RIPOR3: variants seen among roughly 807,000 people sequenced by gnomAD.
The protein encoded by RIPOR3 is RIPOR family member 3.
A neutral mutation model predicts 114.3 loss-of-function variants in RIPOR3; 95 were observed. That is an observed-to-expected ratio of 0.83 (90% CI 0.70 to 0.99). The LOEUF (loss-of-function observed/expected upper bound fraction) is 0.99. Ranked by LOEUF, RIPOR3 falls within the 50% of genes least tolerant of loss-of-function variation. The pLI, the probability that RIPOR3 is intolerant of heterozygous loss-of-function variation, is 0.00. For missense variants in RIPOR3, 1,252 were observed against 1,266.9 expected (o/e 0.99, Z 0.18); for synonymous variants, 575 against 543.8 (o/e 1.06, Z -0.80).
chr20:50,621,658 C>A (rs1265600544), intron 2 of RIPOR3, among the ~76,000 whole-genome samples: 3 of 152,124 alleles, frequency 2.0e-5, no homozygotes, highest in African/African-American at 7.2e-5. Context: ...CTCCTTTTGC[C>A]ACCATGTAGG....
rs139026824 is a variant in RIPOR3 at position 50,605,929 on chromosome 20, C to T, written c.957-1155G>A. 7.6e-3 allele frequency among the ~76,000 whole-genome samples: 1,151 copies of T among 152,242 alleles called. 15 individuals carry two copies. The highest frequency in any genetic ancestry group is 0.027 in the African/African-American group (1,102 of 41,546). On this transcript the variant is annotated intron_variant, in intron 11 of 21. Transcript: ENST00000327979. ...TTTAGAAACCTTTCTCAAGGCTGGG[C>T]GTGGTGGCTCATGCCTGTAATCCCA...
chr20:50,690,997 C>T, intron 1 of RIPOR3, 129 bp downstream of exon 1: 2 of 1,195,012 alleles, frequency 1.7e-6, no homozygotes, highest in Non-Finnish European at 2.2e-6. Flanking sequence ...CAGGTTCCCT[C>T]CTCCGGCCTT....
Position 50,587,320 on chromosome 20 carries a change from C to A in RIPOR3, c.2765G>T (p.Arg922Leu), listed in dbSNP as rs763792702. The A allele has an allele frequency of 9.3e-6, 15 of 1,614,018 alleles. No homozygotes were observed. Among genetic ancestry groups the A allele is most frequent in the Non-Finnish European group, 1.3e-5 (15 of 1,180,002 alleles). ...ETTLSFGEKG[R>L]LAFEKMDKLC... ...CTTGTCCATCTTCTCAAAAGCTAAC[C>A]GTCCTTTTTCACCTGAAATAGCAAA... The change falls in exon 22 of 22, where the codon CGG becomes CTG. Residue 922 changes from arginine to leucine, a missense_variant. Physicochemically the swap from Arg to Leu is moderately radical, Grantham distance 102. Coordinates refer to ENST00000327979, the MANE Select transcript of RIPOR3 (RefSeq NM_001290268.2).
rs200645158 is a variant in RIPOR3 at position 50,587,835 on chromosome 20, G to A, written c.2719C>T (p.Arg907Trp). The change falls in exon 21 of 22, where the codon CGG becomes TGG. Residue 907 changes from arginine to tryptophan, a missense_variant. Physicochemically the swap from Arg to Trp is moderately radical, Grantham distance 101 (BLOSUM62 -3). Transcript: ENST00000327979. ...SLCQSDLEAV[R>W]AAARETTLSF... ...AGTGTGGTTTCCCGGGCTGCCGCCC[G>A]CACGGCCTCCAGGTCAGACTGGCAC... 8.4e-5 allele frequency: 136 copies of A among 1,614,046 alleles called. No individual in the cohort carries two copies. The highest frequency in any genetic ancestry group is 1.1e-4 in the Non-Finnish European group (127 of 1,180,040).
At chr20:50,672,575 C>T (rs1267279456) in intron 1 of RIPOR3, among the ~76,000 whole-genome samples, 1 of 152,190 alleles carries the variant, frequency 6.6e-6, no homozygotes, top group East Asian at 1.9e-4. Flanking sequence ...GTGGGAAGGC[C>T]GCGGCCAGCT....
intron 1 of RIPOR3, among the ~76,000 whole-genome samples, chr20:50,677,367 CTTTTTTTTTT>C (rs34725648): frequency 1.0e-5 from 1 of 96,800 alleles, no homozygotes; most frequent in African/African-American, 3.7e-5. Context: ...TCTTGTTTTA[CTTTTTTTTTT>C]TTTTTTTTTT....
chr20:50,611,223 G>C lies in RIPOR3; in HGVS notation c.349-19C>G. On this transcript the variant is annotated intron_variant, in intron 4 of 21. Transcript: ENST00000327979. ...AGAAAGCCTGTGAGGGAGGAAAGGAGGGCGGAAGAAGCTGTCAGAGTCCCA... is the reference window on the plus strand; with the variant it reads ...AGAAAGCCTGTGAGGGAGGAAAGGACGGCGGAAGAAGCTGTCAGAGTCCCA... 1 of 1,614,094 alleles carries C rather than the reference G, an allele frequency of 6.2e-7. No individual in the cohort carries two copies. Among genetic ancestry groups the C allele is most frequent in the Non-Finnish European group, 8.5e-7 (1 of 1,180,032 alleles).
Position 50,593,101 on chromosome 20 carries a change from G to C in RIPOR3, c.2308C>G (p.His770Asp). ...ACGCTCTGCCTCTGCAGGTAGCTGT[G>C]AAACTGGAACCAGGTAATGATCTGT... Reference protein sequence around the residue: ...EEQIITWFQFHSYLQRQSVSD... With the variant: ...EEQIITWFQFDSYLQRQSVSD... The change falls in exon 18 of 22, where the codon CAC becomes GAC. Residue 770 changes from histidine to aspartate, a missense_variant. Physicochemically the swap from His to Asp is moderately conservative, Grantham distance 81. Coordinates refer to ENST00000327979, the MANE Select transcript of RIPOR3 (RefSeq NM_001290268.2). 6.2e-7 allele frequency: 1 copy of C among 1,614,140 alleles called. No individual in the cohort carries two copies. Among genetic ancestry groups the C allele is most frequent in the African/African-American group, 1.3e-5 (1 of 75,068 alleles).
intron 2 of RIPOR3, among the ~76,000 whole-genome samples, chr20:50,624,016 T>A (rs566980012): frequency 8.0e-4 from 122 of 152,240 alleles, no homozygotes; most frequent in African/African-American, 2.9e-3. Flanking sequence ...TTGTTTTTTT[T>A]AGTAGAGACA....
chr20:50,671,149 G>A (rs1303146333), intron 1 of RIPOR3, among the ~76,000 whole-genome samples: 1 of 151,934 alleles, frequency 6.6e-6, no homozygotes, highest in Non-Finnish European at 1.5e-5. Context: ...AGTTGTTTAG[G>A]GTTATTTTTA....
intron 11 of RIPOR3, among the ~76,000 whole-genome samples, chr20:50,607,293 A>G (rs1451331699): frequency 6.6e-6 from 1 of 152,152 alleles, no homozygotes; most frequent in Non-Finnish European, 1.5e-5. Context: ...GAACATGCAC[A>G]GGGAAGGGTG....
chr20:50,672,284 G>A (rs1057151064), intron 1 of RIPOR3, among the ~76,000 whole-genome samples: 3 of 152,050 alleles, frequency 2.0e-5, no homozygotes, highest in African/African-American at 2.4e-5. Context: ...GGCTGCAAAG[G>A]ACCAGTGCTT....
At chr20:50,634,981 C>T (rs1327800336) in intron 1 of RIPOR3, among the ~76,000 whole-genome samples, 2 of 152,180 alleles carry the variant, frequency 1.3e-5, no homozygotes, top group Admixed American at 6.5e-5. Flanking sequence ...TGCAGTGAGC[C>T]GAGATCAAGC....
chr20:50,610,236 C>T (rs2083927882), intron 6 of RIPOR3, among the ~76,000 whole-genome samples: 1 of 151,774 alleles, frequency 6.6e-6, no homozygotes, highest in Admixed American at 6.6e-5. Flanking sequence ...TCTCCTGCCT[C>T]TCCTGCCACC....
chr20:50,655,793 C>T (rs1428481110), intron 1 of RIPOR3, among the ~76,000 whole-genome samples: 2 of 151,880 alleles, frequency 1.3e-5, no homozygotes, highest in African/African-American at 2.4e-5. Flanking sequence ...AAGATGAACA[C>T]GAACTGAGTT....
At chr20:50,661,941 C>G (rs575436483) in intron 1 of RIPOR3, 1 of 152,416 alleles carries the variant, frequency 6.6e-6, no homozygotes, top group African/African-American at 2.4e-5. Context: ...GGCGTGGCAC[C>G]TGTGCCACTA....
chr20:50,688,212 GAGATCACAGCTCATGGC>G (rs1212534613), intron 1 of RIPOR3, among the ~76,000 whole-genome samples: 1 of 152,076 alleles, frequency 6.6e-6, no homozygotes. Flanking sequence ...GTGCAATGGT[GAGATCACAGCTCATGGC>G]AGCCTCAACC....
intron 11 of RIPOR3, among the ~76,000 whole-genome samples, chr20:50,605,244 T>C (rs959120984): frequency 4.6e-5 from 7 of 151,928 alleles, no homozygotes; most frequent in Non-Finnish European, 1.0e-4. Context: ...TCTACTAAAC[T>C]CTTTACACAA....
At chr20:50,614,023 T>TTTCATTCATTCATTCA (rs531219183) in intron 4 of RIPOR3, among the ~76,000 whole-genome samples, 1 of 151,934 alleles carries the variant, frequency 6.6e-6, no homozygotes, top group African/African-American at 2.4e-5. Context: ...TGCTTGCTTA[T>TTTCATTCATTCATTCA]TTCATTCATT....
Sources: allele counts gnomAD v4.1 joint callset (sites outside exome capture counted in the v4.1 genomes callset), GRCh38; gene constraint gnomAD v4.1.1; transcripts MANE v1.5; gene names NCBI Gene and HGNC (gene_info 2026-07-23, HGNC 2026-07-21).